KIF6: variants seen among roughly 807,000 people sequenced by gnomAD.
The protein encoded by KIF6 is kinesin family member 6.
Under a neutral mutation model 112.7 loss-of-function variants are expected in KIF6, and 106 were observed. The ratio of observed to expected loss-of-function variants is 0.94; its 90% CI spans 0.80 to 1.11. The LOEUF is 1.11. KIF6 is among the 50% of genes least tolerant of loss of function. The pLI is 0.00. For synonymous variants in KIF6, 339 were observed against 339.9 expected (o/e 1.00, Z 0.03); for missense variants, 929 against 964.0 (o/e 0.96, Z 0.48).
intron 12 of KIF6, among the ~76,000 whole-genome samples, chr6:39,542,224 G>A (rs1237594343): frequency 1.3e-5 from 2 of 152,096 alleles, no homozygotes; most frequent in South Asian, 2.1e-4. Flanking sequence ...ATCGCAATAC[G>A]AATCTATCTT....
At chr6:39,701,657 T>G (rs1788885450) in intron 3 of KIF6, among the ~76,000 whole-genome samples, 1 of 152,240 alleles carries the variant, frequency 6.6e-6, no homozygotes, top group African/African-American at 2.4e-5. Context: ...GGCCCAGGCC[T>G]AGGAAGCCAG....
At chr6:39,538,518 T>A (rs1169204243) in intron 13 of KIF6, among the ~76,000 whole-genome samples, 1 of 152,114 alleles carries the variant, frequency 6.6e-6, no homozygotes, top group Non-Finnish European at 1.5e-5. Context: ...CACAATGAGA[T>A]ACCATCTTAC....
chr6:39,687,878 A>G (rs1421784790), intron 3 of KIF6, among the ~76,000 whole-genome samples: 1 of 152,218 alleles, frequency 6.6e-6, no homozygotes, highest in Non-Finnish European at 1.5e-5. Flanking sequence ...TACTCCATGT[A>G]AAGCACTATA....
chr6:39,674,130 G>A (rs974030792), intron 3 of KIF6, among the ~76,000 whole-genome samples: 4 of 152,028 alleles, frequency 2.6e-5, no homozygotes, highest in Non-Finnish European at 5.9e-5. Flanking sequence ...AGTAATATTT[G>A]TTTAACATTT....
intron 6 of KIF6, among the ~76,000 whole-genome samples, chr6:39,606,123 T>C (rs535173667): frequency 6.6e-6 from 1 of 152,024 alleles, no homozygotes; most frequent in East Asian, 1.9e-4. Flanking sequence ...CTCTTCTTTT[T>C]CCCTCCTCCT....
intron 10 of KIF6, chr6:39,554,201 T>C (rs1240183196): frequency 6.4e-6 from 1 of 155,146 alleles, no homozygotes; most frequent in Non-Finnish European, 1.5e-5. Context: ...TGGAACATCA[T>C]AGCTGCTTGG....
intron 15 of KIF6, among the ~76,000 whole-genome samples, chr6:39,414,886 C>T (rs1769789544): frequency 6.6e-6 from 1 of 151,784 alleles, no homozygotes. Flanking sequence ...TTCACTGCAA[C>T]TCATTGAAAA....
intron 13 of KIF6, among the ~76,000 whole-genome samples, chr6:39,498,666 G>T (rs897530761): frequency 6.6e-5 from 10 of 152,088 alleles, no homozygotes; most frequent in Non-Finnish European, 1.3e-4. Flanking sequence ...TATAAAAATG[G>T]GGGCTGGCCC....
chr6:39,455,773 A>G (rs1266563670), intron 13 of KIF6, among the ~76,000 whole-genome samples: 2 of 152,060 alleles, frequency 1.3e-5, no homozygotes, highest in Admixed American at 6.6e-5. Flanking sequence ...GGTATCAACA[A>G]TGGAAGATGA....
intron 3 of KIF6, among the ~76,000 whole-genome samples, chr6:39,700,938 G>A (rs558961073): frequency 1.3e-5 from 2 of 152,214 alleles, no homozygotes; most frequent in East Asian, 3.9e-4. Flanking sequence ...GACCTCAGGT[G>A]ATCTGCCTGC....
At chr6:39,647,498 T>C (rs1785227508) in intron 3 of KIF6, among the ~76,000 whole-genome samples, 2 of 152,140 alleles carry the variant, frequency 1.3e-5, no homozygotes, top group African/African-American at 4.8e-5. Flanking sequence ...TACAAGAAGC[T>C]GGTGACATGA....
intron 14 of KIF6, among the ~76,000 whole-genome samples, chr6:39,430,277 C>T (rs1187223620): frequency 6.6e-6 from 1 of 152,146 alleles, no homozygotes; most frequent in Non-Finnish European, 1.5e-5. Context: ...CCTGAGAGCT[C>T]ATCTACTTCT....
intron 12 of KIF6, among the ~76,000 whole-genome samples, chr6:39,541,699 C>T (rs999896960): frequency 2.0e-5 from 3 of 152,188 alleles, no homozygotes; most frequent in Admixed American, 1.3e-4. Context: ...CAGAATGCCA[C>T]ATACCTAATC....
chr6:39,598,577 A>ATGTGTGTGTGTG (rs70984133), intron 6 of KIF6, among the ~76,000 whole-genome samples: 320 of 147,942 alleles, frequency 2.2e-3, no homozygotes, highest in Non-Finnish European at 2.4e-3. Flanking sequence ...ATACATATAT[A>ATGTGTGTGTGTG]TGTGTGTGTG....
At chr6:39,576,084 C>A (rs1780958850) in intron 10 of KIF6, among the ~76,000 whole-genome samples, 1 of 152,148 alleles carries the variant, frequency 6.6e-6, no homozygotes, top group African/African-American at 2.4e-5. Flanking sequence ...ACTAAGCCTC[C>A]TGAAAAACAT....
intron 10 of KIF6, among the ~76,000 whole-genome samples, chr6:39,563,074 C>T (rs967191544): frequency 5.9e-5 from 9 of 152,088 alleles, no homozygotes; most frequent in African/African-American, 1.9e-4. Flanking sequence ...AACACCATCT[C>T]TACCAAAAAT....
At chr6:39,653,939 A>C (rs191713111) in intron 3 of KIF6, among the ~76,000 whole-genome samples, 1 of 152,340 alleles carries the variant, frequency 6.6e-6, no homozygotes, top group East Asian at 1.9e-4. Context: ...AAGGCAGGCC[A>C]CTGAAAGCAG....
At chr6:39,659,769 G>A (rs1361676060) in intron 3 of KIF6, among the ~76,000 whole-genome samples, 2 of 152,196 alleles carry the variant, frequency 1.3e-5, no homozygotes, top group Non-Finnish European at 1.5e-5. Context: ...AGAACTGTGA[G>A]TCAATTAAAC....
chr6:39,394,096 T>C (rs930306103), intron 15 of KIF6, among the ~76,000 whole-genome samples: 1 of 152,162 alleles, frequency 6.6e-6, no homozygotes, highest in Non-Finnish European at 1.5e-5. Context: ...ATGGAGGTTA[T>C]GTGAATGAAT....
Sources: gnomAD v4.1 joint callset for allele counts (sites outside exome capture counted in the v4.1 genomes callset) on GRCh38, gnomAD v4.1.1 for gene constraint, MANE v1.5 for transcripts, NCBI Gene and HGNC (gene_info 2026-07-23, HGNC 2026-07-21) for gene names.